Variants in SUGCT observed in about 807,000 individuals in gnomAD.
The protein encoded by SUGCT is succinyl-CoA:glutarate-CoA transferase, also known as succinyl-CoA:glutarate CoA-transferase.
Under a neutral mutation model 55.0 loss-of-function variants are expected in SUGCT, and 41 were observed. The observed-to-expected ratio is 0.74, with a 90% confidence interval of 0.58 to 0.97. The LOEUF (loss-of-function observed/expected upper bound fraction) is 0.97. Ranked by LOEUF, SUGCT falls within the 50% of genes least tolerant of loss-of-function variation. SUGCT has a pLI of 0.00. For synonymous variants in SUGCT, 187 were observed against 200.4 expected, an observed-to-expected ratio of 0.93 and a Z score of 0.56; for missense variants, 568 against 547.8, an observed-to-expected ratio of 1.04 and a Z score of -0.37.
chr7:40,895,032 T>G, the SUGCT span, among the ~76,000 whole-genome samples: 2 of 152,154 alleles, frequency 1.3e-5, no homozygotes, highest in Non-Finnish European at 2.9e-5. Context: ...GCAGCACTAT[T>G]CACAATAGAA....
the SUGCT span, among the ~76,000 whole-genome samples, chr7:40,877,363 G>T: frequency 6.6e-6 from 1 of 152,094 alleles, no homozygotes; most frequent in Non-Finnish European, 1.5e-5. Context: ...ATTAGTCATG[G>T]GTTCTATACA....
intron 13 of SUGCT, among the ~76,000 whole-genome samples, chr7:40,844,572 A>G (rs1793458947): frequency 6.6e-6 from 1 of 150,780 alleles, no homozygotes; most frequent in African/African-American, 2.4e-5. Context: ...CTGCCAGTGG[A>G]GCTTGGGGTT....
intron 12 of SUGCT, among the ~76,000 whole-genome samples, chr7:40,580,593 C>G (rs148880796): frequency 2.0e-5 from 3 of 152,136 alleles, no homozygotes; most frequent in African/African-American, 7.2e-5. Flanking sequence ...GGCCTTGCCT[C>G]AGTAAGAAAT....
chr7:40,833,036 G>T (rs1792779991), intron 13 of SUGCT, among the ~76,000 whole-genome samples: 2 of 151,724 alleles, frequency 1.3e-5, no homozygotes, highest in Non-Finnish European at 2.9e-5. Context: ...CTCTGCTCGG[G>T]CCATCATCCC....
chr7:40,385,306 A>G (rs566822080), intron 9 of SUGCT, among the ~76,000 whole-genome samples: 1 of 152,134 alleles, frequency 6.6e-6, no homozygotes, highest in Non-Finnish European at 1.5e-5. Context: ...ATCAGTATGT[A>G]TTGGCTAGGT....
At chr7:40,988,449 T>C in the SUGCT span, among the ~76,000 whole-genome samples, 1 of 151,626 alleles carries the variant, frequency 6.6e-6, no homozygotes, top group Non-Finnish European at 1.5e-5. Context: ...GGTGTACTTC[T>C]CTTTGAAGGA....
chr7:40,807,566 A>G (rs1791169770), intron 13 of SUGCT, among the ~76,000 whole-genome samples: 1 of 152,234 alleles, frequency 6.6e-6, no homozygotes, highest in Admixed American at 6.5e-5. Context: ...CAAAGCATCT[A>G]CAGGAAGAAG....
chr7:40,880,224 T>C, the SUGCT span, among the ~76,000 whole-genome samples: 1 of 152,350 alleles, frequency 6.6e-6, no homozygotes, highest in African/African-American at 2.4e-5. Context: ...TCCTGGAAAC[T>C]GATGTGATTA....
intron 13 of SUGCT, among the ~76,000 whole-genome samples, chr7:40,833,961 C>T (rs1426251163): frequency 6.6e-6 from 1 of 152,198 alleles, no homozygotes; most frequent in Non-Finnish European, 1.5e-5. Flanking sequence ...ATTGTTTTAA[C>T]GTGAAATGCT....
At chr7:40,182,257 G>A (rs1433959811) in intron 3 of SUGCT, among the ~76,000 whole-genome samples, 3 of 152,034 alleles carry the variant, frequency 2.0e-5, no homozygotes, top group Admixed American at 2.0e-4. Flanking sequence ...TTTCTTCTTT[G>A]CACCTGAAGG....
chr7:40,249,348 A>ATATATATATATATATATATATATAT (rs1790194414), intron 7 of SUGCT, among the ~76,000 whole-genome samples: 1 of 69,450 alleles, frequency 1.4e-5, no homozygotes, highest in Admixed American at 1.6e-4. Context: ...TATATATATA[A>ATATATATATATATATATATATATAT]TTATATTATA....
chr7:40,474,243 C>T (rs751142954), intron 11 of SUGCT, among the ~76,000 whole-genome samples: 12 of 152,136 alleles, frequency 7.9e-5, no homozygotes, highest in African/African-American at 1.4e-4. Flanking sequence ...AGAAGCAAAA[C>T]GAATCTGGGG....
chr7:40,217,838 C>T (rs1787762171), intron 6 of SUGCT, among the ~76,000 whole-genome samples: 1 of 152,144 alleles, frequency 6.6e-6, no homozygotes, highest in Non-Finnish European at 1.5e-5. Flanking sequence ...AAAAGATGGG[C>T]TTGAAAAACT....
intron 12 of SUGCT, among the ~76,000 whole-genome samples, chr7:40,575,777 C>G (rs993442768): frequency 1.3e-5 from 2 of 151,620 alleles, no homozygotes; most frequent in Non-Finnish European, 2.9e-5. Context: ...GAAACCCTGT[C>G]TCTACTCAAA....
chr7:40,783,962 G>C (rs1438614797), intron 13 of SUGCT, among the ~76,000 whole-genome samples: 1 of 152,126 alleles, frequency 6.6e-6, no homozygotes, highest in Non-Finnish European at 1.5e-5. Flanking sequence ...AAGGGCAATG[G>C]TGTCTCTATC....
chr7:40,597,423 A>G (rs1317463046), intron 12 of SUGCT, among the ~76,000 whole-genome samples: 1 of 152,232 alleles, frequency 6.6e-6, no homozygotes, highest in Non-Finnish European at 1.5e-5. Flanking sequence ...ATATAATTCA[A>G]TTTATTGTAA....
intron 12 of SUGCT, among the ~76,000 whole-genome samples, chr7:40,698,523 A>G (rs1179900797): frequency 6.6e-6 from 1 of 151,934 alleles, no homozygotes; most frequent in Non-Finnish European, 1.5e-5. Flanking sequence ...GGAAGAAGCG[A>G]CCACACCCTG....
chr7:40,867,780 AGT>A, the SUGCT span, among the ~76,000 whole-genome samples: 1 of 152,216 alleles, frequency 6.6e-6, no homozygotes, highest in African/African-American at 2.4e-5. Context: ...CACAATTAGA[AGT>A]GTTCGCTGCA....
intron 9 of SUGCT, among the ~76,000 whole-genome samples, chr7:40,357,011 A>G (rs1206607301): frequency 6.6e-6 from 1 of 152,224 alleles, no homozygotes; most frequent in African/African-American, 2.4e-5. Context: ...TTCTCTGGAC[A>G]CATTTCTTTA....
Sources: gnomAD v4.1 joint callset for allele counts (sites outside exome capture counted in the v4.1 genomes callset) on GRCh38, gnomAD v4.1.1 for gene constraint, MANE v1.5 for transcripts, NCBI Gene and HGNC (gene_info 2026-07-23, HGNC 2026-07-21) for gene names.